Variants in DNAH11 observed in about 807,000 individuals in gnomAD.
DNAH11 encodes axonemal beta dynein heavy chain 11.
Under a neutral mutation model 526.0 loss-of-function variants are expected in DNAH11, and 442 were observed. The observed-to-expected ratio is 0.84, with a 90% CI of 0.78 to 0.91. DNAH11 has a LOEUF of 0.91. DNAH11 is among the 40% of genes least tolerant of loss of function. DNAH11 has a pLI of 0.00. For missense variants in DNAH11, 6,989 were observed against 5,448.7 expected (o/e 1.28, Z -8.90); for synonymous variants, 2,461 against 1,935.9 (o/e 1.27, Z -7.12).
In DNAH11 at chr7:21,581,982, A is replaced by C. The variant is rs764968620; in HGVS notation, c.1671A>C (p.Glu557Asp). ...GAAGGCTTGGGACAATTATTTGTGAAGCTTTCTTTAACTGCAATGGCTTAG... is the reference window on the plus strand; with the variant it reads ...GAAGGCTTGGGACAATTATTTGTGACGCTTTCTTTAACTGCAATGGCTTAG... ...FDRRLGTIIC[E>D]AFFNCNGLEA... The change falls in exon 9 of 82, where the codon GAA (glutamate) becomes GAC (aspartate). Residue 557 changes from glutamate (E) to aspartate (D), a missense_variant. Coordinates refer to ENST00000409508, the MANE Select transcript of DNAH11 (RefSeq NM_001277115.2). The C allele has an allele frequency of 5.6e-6, 9 of 1,613,202 alleles. No homozygotes were observed. The highest frequency in any genetic ancestry group is 7.6e-6 in the Non-Finnish European group (9 of 1,179,446).
At chr7:21,855,132 C>T (rs865809626) in intron 68 of DNAH11, among the ~76,000 whole-genome samples, 1 of 149,754 alleles carries the variant, frequency 6.7e-6, no homozygotes, top group Non-Finnish European at 1.5e-5. Context: ...TCCGGGTTCA[C>T]TCCATTCTCC....
intron 42 of DNAH11, among the ~76,000 whole-genome samples, chr7:21,712,321 G>A (rs1047054284): frequency 1.3e-5 from 2 of 152,120 alleles, no homozygotes; most frequent in Admixed American, 1.3e-4. Context: ...TGGCTATTGT[G>A]AACAATGCTG....
intron 74 of DNAH11, among the ~76,000 whole-genome samples, chr7:21,874,058 T>G (rs1783605796): frequency 6.6e-6 from 1 of 151,968 alleles, no homozygotes. Flanking sequence ...CCCAAAGTGC[T>G]GGGATTACAG....
At position 21,779,070 on chromosome 7, in the gene DNAH11, G is replaced by A. The variant is rs181785201; in HGVS notation, c.9449G>A (p.Arg3150Gln). Residue 3150 changes from arginine to glutamine, a missense_variant, in exon 57 of 82, where the codon CGG (arginine) becomes CAG (glutamine). Physicochemically the swap from Arg to Gln is conservative, Grantham distance 43 (BLOSUM62 1). Coordinates refer to ENST00000409508, the MANE Select transcript of DNAH11 (RefSeq NM_001277115.2). ...KIGLQTEKVS[R>Q]EKTIADAEER... is the part of the protein sequence containing the mutation. ...GGCCTTCAGACGGAGAAAGTGAGCC[G>A]GGAAAAGACCATCGCTGATGCTGAG... 5.6e-4 allele frequency: 901 copies of A among 1,613,200 alleles called. 8 individuals carry two copies. The East Asian group carries it at 0.011, about 19-fold the overall frequency.
chr7:21,649,900 A>T (rs1429562495), intron 28 of DNAH11, among the ~76,000 whole-genome samples: 2 of 152,130 alleles, frequency 1.3e-5, no homozygotes, highest in African/African-American at 4.8e-5. Context: ...TTCTGGCCTC[A>T]GGTGATCTGC....
intron 65 of DNAH11, among the ~76,000 whole-genome samples, chr7:21,825,695 GC>G (rs1357430714): frequency 1.3e-5 from 2 of 151,660 alleles, no homozygotes; most frequent in African/African-American, 2.4e-5. Context: ...TGTTACAAAT[GC>G]TTAAAAAGTG....
At chr7:21,816,788 C>T in intron 64 of DNAH11, 86 bp downstream of exon 64, 9 of 1,010,834 alleles carry the variant, frequency 8.9e-6, no homozygotes, top group Non-Finnish European at 1.0e-5. Context: ...TTTCTTAGAC[C>T]TCTCCACCAC....
intron 61 of DNAH11, among the ~76,000 whole-genome samples, chr7:21,793,486 C>A (rs923375548): frequency 6.6e-6 from 1 of 152,088 alleles, no homozygotes; most frequent in Non-Finnish European, 1.5e-5. Context: ...CGTGGTGGCA[C>A]GCCCTTGTAG....
At chr7:21,732,303 C>T (rs1020363268) in intron 45 of DNAH11, among the ~76,000 whole-genome samples, 2 of 152,172 alleles carry the variant, frequency 1.3e-5, no homozygotes, top group African/African-American at 4.8e-5. Context: ...TGATATCTCC[C>T]TGTGGGTTCA....
chr7:21,827,402 C>G (rs952060348), intron 65 of DNAH11, among the ~76,000 whole-genome samples: 1 of 151,764 alleles, frequency 6.6e-6, no homozygotes, highest in Non-Finnish European at 1.5e-5. Flanking sequence ...CTTTCAAATA[C>G]CCCTAAATAT....
chr7:21,859,888 A>G (rs769440992), intron 68 of DNAH11, among the ~76,000 whole-genome samples: 4 of 152,204 alleles, frequency 2.6e-5, no homozygotes, highest in South Asian at 2.1e-4. Flanking sequence ...CAACAACAAC[A>G]ACGACAACAA....
At chr7:21,738,592 A>G in intron 46 of DNAH11, 109 bp from the exon 47 acceptor site, 1 of 1,186,224 alleles carries the variant, frequency 8.4e-7, no homozygotes, top group South Asian at 1.6e-5. Flanking sequence ...CGATACCTGA[A>G]ACCACAGGGT....
At chr7:21,566,623 A>C (rs1167592743) in intron 6 of DNAH11, among the ~76,000 whole-genome samples, 2 of 151,364 alleles carry the variant, frequency 1.3e-5, no homozygotes, top group Non-Finnish European at 2.9e-5. Context: ...AAAAACACTG[A>C]AGCCTAAGAA....
At chr7:21,764,066 G>C (rs1326145921) in intron 54 of DNAH11, among the ~76,000 whole-genome samples, 2 of 152,078 alleles carry the variant, frequency 1.3e-5, no homozygotes, top group Non-Finnish European at 2.9e-5. Flanking sequence ...CATTCAATGG[G>C]TGTAGAGTTT....
chr7:21,704,072 G>C (rs928088088), intron 37 of DNAH11, among the ~76,000 whole-genome samples: 5 of 152,210 alleles, frequency 3.3e-5, no homozygotes, highest in Admixed American at 6.5e-5. Context: ...AAGATTCTCA[G>C]AGTACTTTGG....
intron 25 of DNAH11, 43 bp from the exon 26 acceptor site, chr7:21,635,828 A>C: frequency 6.7e-7 from 1 of 1,501,188 alleles, no homozygotes. Context: ...CTCACATTCT[A>C]CTAAATTTAG....
intron 54 of DNAH11, among the ~76,000 whole-genome samples, chr7:21,750,614 C>G (rs1786371720): frequency 6.6e-6 from 1 of 152,156 alleles, no homozygotes; most frequent in Non-Finnish European, 1.5e-5. Flanking sequence ...CATTGAGGAA[C>G]TTACACTATT....
chr7:21,623,298 T>TA lies in DNAH11; in HGVS notation c.4500+3225dup, dbSNP rs1276988418. Reference sequence around the variant, plus strand: ...TCACACCAGTTAGAATGGCAATCATTAAAAAGTCAGGAAACAACAGGTGCT... The same window carrying TA: ...TCACACCAGTTAGAATGGCAATCATTAAAAAAGTCAGGAAACAACAGGTGCT... On this transcript the variant is annotated intron_variant, in intron 25 of 81. Transcript: ENST00000409508. Among the ~76,000 whole-genome samples, 311 of 150,566 alleles carry TA rather than the reference T, an allele frequency of 2.1e-3. 1 individual carries two copies. Among genetic ancestry groups the TA allele is most frequent in the African/African-American group, 7.1e-3 (295 of 41,372 alleles).
chr7:21,590,831 C>T, intron 12 of DNAH11, 87 bp from the exon 13 acceptor site: 1 of 797,330 alleles, frequency 1.3e-6, no homozygotes, highest in South Asian at 3.7e-5. Context: ...ACTTGGATAA[C>T]ATCTTAAGTA....
Sources: gnomAD v4.1 joint callset for allele counts (sites outside exome capture counted in the v4.1 genomes callset) on GRCh38, gnomAD v4.1.1 for gene constraint, MANE v1.5 for transcripts, NCBI Gene and HGNC (gene_info 2026-07-23, HGNC 2026-07-21) for gene names.